ADGRL3: variants seen among roughly 807,000 people sequenced by gnomAD.
ADGRL3 encodes the protein calcium-independent alpha-latrotoxin receptor 3.
Under a neutral mutation model 153.5 loss-of-function variants are expected in ADGRL3, and 62 were observed. The observed-to-expected ratio is 0.40, with a 90% CI of 0.33 to 0.50. The LOEUF (loss-of-function observed/expected upper bound fraction) is 0.50, where lower values mean the gene tolerates loss of function less well. Ranked by LOEUF, ADGRL3 falls within the 20% of genes least tolerant of loss-of-function variation. The pLI is 0.47. For synonymous variants in ADGRL3, 710 were observed against 672.5 expected (o/e 1.06, Z -0.86); for missense variants, 1,641 against 1,859.4 (o/e 0.88, Z 2.16).
rs182686070 is a variant in ADGRL3 at position 61,365,522 on chromosome 4, G to A, written c.-239-17602G>A. Reference sequence around the variant, plus strand: ...GTGCCTCACTTACCCTGTGTTTTCAGGAGGCCTAGATATAGTTTGCAGCAG... The same window carrying A: ...GTGCCTCACTTACCCTGTGTTTTCAAGAGGCCTAGATATAGTTTGCAGCAG... On this transcript the variant is annotated intron_variant, in intron 1 of 26. Transcript: ENST00000683033. Among the ~76,000 whole-genome samples the A allele has an allele frequency of 7.8e-4, 119 of 152,336 alleles. No individual in the cohort carries two copies. The Middle Eastern group carries it at 0.01, about 13-fold the overall frequency.
At chr4:61,576,979 T>C (rs575869168) in intron 4 of ADGRL3, among the ~76,000 whole-genome samples, 35 of 151,970 alleles carry the variant, frequency 2.3e-4, no homozygotes, top group Non-Finnish European at 5.0e-4. Context: ...GTTGTACATG[T>C]TTTTCAATGT....
At chr4:62,020,008 GC>G (rs2099230580) in intron 21 of ADGRL3, among the ~76,000 whole-genome samples, 2 of 152,070 alleles carry the variant, frequency 1.3e-5, no homozygotes, top group South Asian at 4.1e-4. Flanking sequence ...GTGCTGCAGT[GC>G]CTTTGATGGT....
At chr4:61,588,251 G>T (rs545579828) in intron 5 of ADGRL3, among the ~76,000 whole-genome samples, 1 of 151,786 alleles carries the variant, frequency 6.6e-6, no homozygotes, top group African/African-American at 2.4e-5. Context: ...TATTATTTAA[G>T]AACTTCTTTA....
chr4:61,957,543 A>C (rs1232828023), intron 17 of ADGRL3, among the ~76,000 whole-genome samples: 2 of 127,358 alleles, frequency 1.6e-5, no homozygotes, highest in African/African-American at 5.5e-5. Context: ...TCTTGGTTAC[A>C]TTTATGTATT....
intron 1 of ADGRL3, among the ~76,000 whole-genome samples, chr4:61,251,920 G>C (rs1249586780): frequency 8.9e-6 from 1 of 111,772 alleles, no homozygotes; most frequent in Non-Finnish European, 1.9e-5. Flanking sequence ...TTTCACTTTT[G>C]TTGCCCAGGC....
At chr4:62,066,112 A>G (rs1742868708) in intron 25 of ADGRL3, among the ~76,000 whole-genome samples, 1 of 152,142 alleles carries the variant, frequency 6.6e-6, no homozygotes, top group Non-Finnish European at 1.5e-5. Flanking sequence ...TTAAGAAACT[A>G]TGGTAGTGCT....
chr4:61,391,324 T>TA (rs763498211), intron 2 of ADGRL3, among the ~76,000 whole-genome samples: 2 of 152,076 alleles, frequency 1.3e-5, no homozygotes, highest in East Asian at 3.9e-4. Flanking sequence ...CACACTCTTT[T>TA]AAAAAAACAG....
intron 5 of ADGRL3, among the ~76,000 whole-genome samples, chr4:61,588,383 G>C (rs1233328621): frequency 6.6e-6 from 1 of 151,700 alleles, no homozygotes; most frequent in Non-Finnish European, 1.5e-5. Flanking sequence ...TTCACCTTTT[G>C]TCTTCTTCAT....
At position 61,736,289 on chromosome 4, in the gene ADGRL3, CT is replaced by C. The variant is rs1486597928; in HGVS notation, c.1399+2737del. 6.6e-5 allele frequency among the ~76,000 whole-genome samples: 10 copies of C among 152,110 alleles called. No homozygotes were observed. The East Asian group carries it at 1.9e-3, about 30-fold the overall frequency. On this transcript the variant is annotated intron_variant, in intron 8 of 26. Transcript: ENST00000683033. ...CATTTAATTTTTAAAAATGTATTTG[CT>C]TGTCTGTTTATGGGAGTTAAAACAT...
chr4:61,889,995 A>T (rs2149573123), intron 9 of ADGRL3, among the ~76,000 whole-genome samples: 1 of 152,344 alleles, frequency 6.6e-6, no homozygotes, highest in East Asian at 1.9e-4. Context: ...GAAAGAAGAC[A>T]ATTGAAAAAC....
chr4:61,501,122 C>G (rs1200759039), intron 3 of ADGRL3, among the ~76,000 whole-genome samples: 1 of 152,162 alleles, frequency 6.6e-6, no homozygotes, highest in Non-Finnish European at 1.5e-5. Flanking sequence ...GCTCTGCCAC[C>G]TACTGGCTCT....
chr4:61,570,839 T>C (rs1270566560), intron 4 of ADGRL3, among the ~76,000 whole-genome samples: 1 of 152,182 alleles, frequency 6.6e-6, no homozygotes, highest in African/African-American at 2.4e-5. Context: ...ATTTCTTGTC[T>C]TGTGTCTGTA....
intron 8 of ADGRL3, among the ~76,000 whole-genome samples, chr4:61,759,733 G>T (rs1015241381): frequency 3.3e-5 from 5 of 152,214 alleles, no homozygotes; most frequent in Non-Finnish European, 5.9e-5. Context: ...TTCCTTTGGA[G>T]GAGGAGAGGC....
intron 5 of ADGRL3, among the ~76,000 whole-genome samples, chr4:61,642,149 G>T (rs1337040896): frequency 2.0e-5 from 3 of 147,938 alleles, no homozygotes; most frequent in Admixed American, 2.0e-4. Context: ...TTTTTTTCTT[G>T]TAAATTTGTT....
chr4:61,966,506 C>T (rs1435871726), intron 17 of ADGRL3, among the ~76,000 whole-genome samples: 1 of 151,698 alleles, frequency 6.6e-6, no homozygotes, highest in Non-Finnish European at 1.5e-5. Context: ...GATTACTTTT[C>T]CTTACTCTTC....
chr4:61,958,000 G>C (rs2098973919), intron 17 of ADGRL3, among the ~76,000 whole-genome samples: 1 of 152,114 alleles, frequency 6.6e-6, no homozygotes, highest in South Asian at 2.1e-4. Context: ...TGCTGCAGTT[G>C]TGCAAATTTA....
intron 17 of ADGRL3, among the ~76,000 whole-genome samples, chr4:61,954,842 C>T (rs563128288): frequency 3.6e-4 from 55 of 152,202 alleles, no homozygotes; most frequent in African/African-American, 1.3e-3. Context: ...TTTAGATTGC[C>T]CCATCTCCAC....
At chr4:61,255,076 C>A (rs528761914) in intron 1 of ADGRL3, among the ~76,000 whole-genome samples, 1 of 152,152 alleles carries the variant, frequency 6.6e-6, no homozygotes, top group African/African-American at 2.4e-5. Flanking sequence ...CATGAACATA[C>A]ATTAGATTAA....
chr4:61,858,588 T>C (rs971101478), intron 9 of ADGRL3, among the ~76,000 whole-genome samples: 10 of 152,214 alleles, frequency 6.6e-5, no homozygotes, highest in African/African-American at 2.2e-4. Context: ...GCCACTGCAC[T>C]CCATCCTGGG....
Sources: gnomAD v4.1 joint callset for allele counts (sites outside exome capture counted in the v4.1 genomes callset) on GRCh38, gnomAD v4.1.1 for gene constraint, MANE v1.5 for transcripts, NCBI Gene and HGNC (gene_info 2026-07-23, HGNC 2026-07-21) for gene names.